The following OSBPL3 variants were observed in gnomAD, a reference collection of about 807,000 sequenced individuals.
OSBPL3 encodes oxysterol-binding protein-related protein 3.
Under a neutral mutation model 120.1 loss-of-function variants are expected in OSBPL3, and 65 were observed. The ratio of observed to expected loss-of-function variants is 0.54; its 90% CI spans 0.44 to 0.67. The LOEUF (loss-of-function observed/expected upper bound fraction) is 0.67. OSBPL3 is among the 30% of genes least tolerant of loss of function. OSBPL3 has a pLI of 0.00. For synonymous variants in OSBPL3, 416 were observed against 402.6 expected (o/e 1.03, Z -0.40); for missense variants, 1,004 against 1,082.1 (o/e 0.93, Z 1.01).
intron 1 of OSBPL3, among the ~76,000 whole-genome samples, chr7:24,923,133 A>G (rs1377415067): frequency 1.3e-5 from 2 of 152,214 alleles, no homozygotes; most frequent in Non-Finnish European, 2.9e-5. Flanking sequence ...AGTTTCCATC[A>G]ATCACAATAG....
In OSBPL3 at chr7:24,899,006, A is replaced by G. The variant is rs556279794; in HGVS notation, c.-149-6385T>C. Among the ~76,000 whole-genome samples the G allele has an allele frequency of 9.2e-5, 14 of 152,204 alleles. No homozygotes were observed. Among genetic ancestry groups the G allele is most frequent in the Non-Finnish European group, 2.1e-4 (14 of 68,028 alleles). ...GCCCTTGGTAACTACATAGAACAAG[A>G]CAGAACTTTTTTTTAACCATAACCT... On this transcript the variant is annotated intron_variant, in intron 1 of 22. Transcript: ENST00000313367. This position sits in a 1 kb window ranked among gnomAD's most constrained non-coding sequence, Gnocchi z 4.0.
chr7:24,809,149 G>C (rs1055834433), intron 20 of OSBPL3, among the ~76,000 whole-genome samples: 3 of 152,108 alleles, frequency 2.0e-5, no homozygotes, highest in Non-Finnish European at 4.4e-5. Flanking sequence ...TTTTCTGTTT[G>C]GTTTTTTACC....
In OSBPL3 at chr7:24,806,210, G is replaced by C. The variant is rs910453958; in HGVS notation, c.2444+566C>G. On this transcript the variant is annotated intron_variant, in intron 21 of 22. Coordinates refer to ENST00000313367, the MANE Select transcript of OSBPL3 (RefSeq NM_015550.4). The surrounding 1 kb of genome is among the most constrained non-coding windows in gnomAD (Gnocchi z 5.2). ...GACTTCAAGTGATCCGCCCGCTTCG[G>C]CCTCCCAAAGTGTTGTTTGTTTTTA... Among the ~76,000 whole-genome samples, 2 of 152,206 alleles carry C rather than the reference G, an allele frequency of 1.3e-5. No individual in the cohort carries two copies. The highest frequency in any genetic ancestry group is 2.4e-5 in the African/African-American group (1 of 41,452).
intron 1 of OSBPL3, among the ~76,000 whole-genome samples, chr7:24,961,417 C>T (rs937641454): frequency 3.9e-5 from 6 of 152,076 alleles, no homozygotes; most frequent in African/African-American, 1.4e-4. Flanking sequence ...TGTTTATGTA[C>T]CCCACAAAAA....
intron 1 of OSBPL3, among the ~76,000 whole-genome samples, chr7:24,895,236 T>A (rs1805963106): frequency 6.6e-6 from 1 of 152,212 alleles, no homozygotes; most frequent in Non-Finnish European, 1.5e-5. Context: ...ACAGCCCATG[T>A]ATACGCTGGT....
In OSBPL3 at chr7:24,870,725, G is replaced by C. The variant is rs544551288; in HGVS notation, c.381+7C>G. The C allele has an allele frequency of 1.0e-5, 16 of 1,535,032 alleles. No homozygotes were observed. The highest frequency in any genetic ancestry group is 1.4e-5 in the Non-Finnish European group (15 of 1,107,816). The stretch of plus-strand genomic sequence containing the variant: ...AGTGAACTCTGCACAGTGGGAAGCA[G>C]CCTCACCTTCAGATGGTAGATGTGC... On this transcript the variant is annotated splice_region_variant and intron_variant, in intron 5 of 22. Transcript: ENST00000313367.
intron 22 of OSBPL3, among the ~76,000 whole-genome samples, chr7:24,801,857 C>T (rs1362516317): frequency 1.3e-5 from 2 of 152,170 alleles, no homozygotes; most frequent in African/African-American, 4.8e-5. Context: ...TCTTTTTATA[C>T]AGTTGTATGA....
At position 24,912,383 on chromosome 7, in the gene OSBPL3, A is replaced by T. The variant is rs558052071; in HGVS notation, c.-149-19762T>A. Among the ~76,000 whole-genome samples, 5 of 152,340 alleles carry T rather than the reference A, an allele frequency of 3.3e-5. No individual in the cohort carries two copies. Among genetic ancestry groups the T allele is most frequent in the African/African-American group, 1.2e-4 (5 of 41,572 alleles). On this transcript the variant is annotated intron_variant, in intron 1 of 22. Transcript: ENST00000313367. The surrounding 1 kb of genome is among the most constrained non-coding windows in gnomAD (Gnocchi z 4.5). ...TTAATTTTAAAAATCAAATTCAGCAACCAGGGCCTTGATCTTCCTTGCATA... is the reference window on the plus strand; with the variant it reads ...TTAATTTTAAAAATCAAATTCAGCATCCAGGGCCTTGATCTTCCTTGCATA...
chr7:24,876,936 T>C (rs1802935381), intron 2 of OSBPL3, among the ~76,000 whole-genome samples: 1 of 152,202 alleles, frequency 6.6e-6, no homozygotes. Flanking sequence ...ATATGTCAGA[T>C]AATGTGCTAA....
chr7:24,797,316 T>C lies in OSBPL3; in HGVS notation c.*2867A>G, dbSNP rs1791820381. On this transcript the variant is annotated 3_prime_UTR_variant, in exon 23 of 23. Transcript: ENST00000313367. The surrounding 1 kb of genome is among the most constrained non-coding windows in gnomAD (Gnocchi z 4.8). ...AATGACGTAAACATTAAAAAATATATTAGTTTGTATATTTCCCCCAGGAAG... is the reference window on the plus strand; with the variant it reads ...AATGACGTAAACATTAAAAAATATACTAGTTTGTATATTTCCCCCAGGAAG... 1 of 152,022 alleles carries C rather than the reference T, an allele frequency of 6.6e-6. No homozygotes were observed. The highest frequency in any genetic ancestry group is 6.5e-5 in the Admixed American group (1 of 15,272). 9.4% of individuals were successfully genotyped at this position (152,022 alleles called of 1,614,324 possible).
chr7:24,976,578 A>C (rs6957546), intron 1 of OSBPL3, among the ~76,000 whole-genome samples: 34,449 of 151,984 alleles, frequency 0.23, 4,193 homozygotes, highest in East Asian at 0.45. Context: ...CAGAAAGCTG[A>C]TGAATGTGTA....
chr7:24,974,981 C>G (rs754492599), intron 1 of OSBPL3, among the ~76,000 whole-genome samples: 1 of 152,146 alleles, frequency 6.6e-6, no homozygotes, highest in African/African-American at 2.4e-5. Flanking sequence ...AAACGGATGA[C>G]TTGTATAATA....
chr7:24,884,567 A>G (rs1209091511), intron 2 of OSBPL3, among the ~76,000 whole-genome samples: 1 of 152,280 alleles, frequency 6.6e-6, no homozygotes, highest in South Asian at 2.1e-4. Flanking sequence ...TCCCAGCTGA[A>G]AAGATGAAGC....
rs1459698291 is a variant in OSBPL3 at position 24,966,135 on chromosome 7, G to A, written c.-150+13751C>T. Among the ~76,000 whole-genome samples the A allele has an allele frequency of 6.6e-6, 1 of 152,220 alleles. No homozygotes were observed. ...CCTCAGCCTGAGTTAACTAGCTACA[G>A]CAAGACCCACAGATCTCGCTTCCTA... On this transcript the variant is annotated intron_variant, in intron 1 of 22. Transcript: ENST00000313367. This position sits in a 1 kb window ranked among gnomAD's most constrained non-coding sequence, Gnocchi z 4.8.
In OSBPL3 at chr7:24,930,101, G is replaced by A. The variant is rs537940120; in HGVS notation, c.-149-37480C>T. ...TATGAGAAAACTTTAGGAGTTAGAA[G>A]AAAGGGTAACTAATGATTTTTTAAG... On this transcript the variant is annotated intron_variant, in intron 1 of 22. Coordinates refer to ENST00000313367, the MANE Select transcript of OSBPL3 (RefSeq NM_015550.4). This position sits in a 1 kb window ranked among gnomAD's most constrained non-coding sequence, Gnocchi z 4.4. 2.6e-3 allele frequency among the ~76,000 whole-genome samples: 391 copies of A among 152,294 alleles called. 3 individuals are homozygous for A. The highest frequency in any genetic ancestry group is 0.01 in the Middle Eastern group (3 of 294).
rs70942886 is a variant in OSBPL3 at position 24,841,717 on chromosome 7, A to AAAAAAAAAAAAAAAAAAAG, written c.1401+561_1401+562insCTTTTTTTTTTTTTTTTTT. ...CTCAAAAAAAAAAAAAAAAAAAAAAAAAAAGAGGCCAGGCACAGTGGCTCA... is the reference window on the plus strand; with the variant it reads ...CTCAAAAAAAAAAAAAAAAAAAAAAAAAAAAAAAAAAAAAAAAAGAAAAGAGGCCAGGCACAGTGGCTCA... On this transcript the variant is annotated intron_variant, in intron 13 of 22. Transcript: ENST00000313367. Among the ~76,000 whole-genome samples the AAAAAAAAAAAAAAAAAAAG allele has an allele frequency of 4.7e-3, 389 of 82,772 alleles. 70 individuals carry two copies. The highest frequency in any genetic ancestry group is 6.6e-3 in the Non-Finnish European group (291 of 44,168). The allele number at this position is 82,772 out of a possible 152,430, so 54.3% of individuals were successfully genotyped here. A position where few individuals can be genotyped will look rare whatever the true frequency, so the allele number is the denominator to read the frequency against.
At position 24,796,745 on chromosome 7, in the gene OSBPL3, C is replaced by A. The variant is rs1791763409; in HGVS notation, c.*3438G>T. 1 of 152,190 alleles carries A rather than the reference C, an allele frequency of 6.6e-6. No individual in the cohort carries two copies. The highest frequency in any genetic ancestry group is 2.4e-5 in the African/African-American group (1 of 41,442). 9.4% of individuals were successfully genotyped at this position (152,190 alleles called of 1,614,324 possible). On this transcript the variant is annotated 3_prime_UTR_variant, in exon 23 of 23. Transcript: ENST00000313367. This position sits in a 1 kb window ranked among gnomAD's most constrained non-coding sequence, Gnocchi z 5.2. ...AATCAGAAATAAAATAAATTAGCCACTTCTGATCACTGCATTCCCCAAAGT... is the reference window on the plus strand; with the variant it reads ...AATCAGAAATAAAATAAATTAGCCAATTCTGATCACTGCATTCCCCAAAGT...
At chr7:24,934,620 A>C (rs991873673) in intron 1 of OSBPL3, among the ~76,000 whole-genome samples, 18 of 152,186 alleles carry the variant, frequency 1.2e-4, no homozygotes, top group African/African-American at 4.1e-4. Flanking sequence ...ATATCAAGGA[A>C]ACTCAGCATA....
chr7:24,840,532 T>C (rs976036338), intron 14 of OSBPL3, among the ~76,000 whole-genome samples, 158 bp downstream of exon 14: 2 of 152,228 alleles, frequency 1.3e-5, no homozygotes, highest in Non-Finnish European at 2.9e-5. Context: ...CGAATGTTAG[T>C]AGTTACATCT....
Sources: gnomAD v4.1 joint callset for allele counts (sites outside exome capture counted in the v4.1 genomes callset) on GRCh38, gnomAD v4.1.1 for gene constraint, Gnocchi (gnomAD v3.1) non-coding constraint, MANE v1.5 for transcripts, NCBI Gene and HGNC (gene_info 2026-07-23, HGNC 2026-07-21) for gene names.